Variants in PKHD1L1 observed in about 807,000 individuals in gnomAD.
The protein encoded by PKHD1L1 is PKHD1 like 1.
A neutral mutation model predicts 462.9 loss-of-function variants in PKHD1L1; 434 were observed. The observed-to-expected ratio is 0.94, with a 90% CI of 0.87 to 1.02. The LOEUF (loss-of-function observed/expected upper bound fraction) is 1.02, where lower values mean the gene tolerates loss of function less well. PKHD1L1 is among the 50% of genes least tolerant of loss of function. The pLI is 0.00. For missense variants in PKHD1L1, 5,202 were observed against 5,096.1 expected (o/e 1.02, Z -0.63); for synonymous variants, 1,781 against 1,750.0 (o/e 1.02, Z -0.44).
chr8:109,430,655 G>A (rs1174653115), intron 27 of PKHD1L1, among the ~76,000 whole-genome samples: 4 of 151,832 alleles, frequency 2.6e-5, no homozygotes, highest in Non-Finnish European at 5.9e-5. Flanking sequence ...GTAAGGGATG[G>A]CTTTTTTCAA....
chr8:109,465,183 A>G lies in PKHD1L1; in HGVS notation c.8351A>G (p.Asn2784Ser), dbSNP rs1447345067. 1 of 1,613,758 alleles carries G rather than the reference A, an allele frequency of 6.2e-7. No individual in the cohort carries two copies. Among genetic ancestry groups the G allele is most frequent in the Admixed American group, 1.7e-5 (1 of 59,968 alleles). The change falls in exon 49 of 78, where the codon AAC becomes AGC. Residue 2784 changes from asparagine to serine, a missense_variant. Physicochemically the swap from Asn to Ser is conservative, Grantham distance 46 (BLOSUM62 1). Around this residue, in one of 3 missense-constraint regions of PKHD1L1, gnomAD observed 4,497 missense variants for 4,336.8 expected, o/e 1.04. Transcript: ENST00000378402. ...FVDVQYSHTP[N>S]KAGFRWEHEM... ...GACGTCCAGTATTCTCACACACCGA[A>G]CAAGGCTGGCTTTCGCTGGGAACAT...
At position 109,429,970 on chromosome 8, in the gene PKHD1L1, A is replaced by G. The variant is rs758695811; in HGVS notation, c.3162A>G (p.Ser1054=). The change falls in exon 27 of 78, where the codon TCA becomes TCG. Residue 1054 remains serine (S), a synonymous_variant. Transcript: ENST00000378402. ...TCAATGGAATTCCAGCTAAATGTTCAGGTGACTGTGGATTTACATGGGATT... is the reference window on the plus strand; with the variant it reads ...TCAATGGAATTCCAGCTAAATGTTCGGGTGACTGTGGATTTACATGGGATT... ...VYVNGIPAKC[S]GDCGFTWDSN... is the part of the protein sequence containing the mutation. 6 of 1,611,864 alleles carry G rather than the reference A, an allele frequency of 3.7e-6. No individual in the cohort carries two copies. The African/African-American group carries it at 5.3e-5, about 14-fold the overall frequency.
At chr8:109,384,637 A>G (rs1452833969) in intron 5 of PKHD1L1, among the ~76,000 whole-genome samples, 1 of 152,110 alleles carries the variant, frequency 6.6e-6, no homozygotes, top group Admixed American at 6.6e-5. Flanking sequence ...TATACATTCA[A>G]CTGGTTTCCA....
chr8:109,491,975 T>A lies in PKHD1L1; in HGVS notation c.10217T>A (p.Leu3406His), dbSNP rs1485080799. ...YQNRKDLSST[L>H]WHAAIEINRG... ...AACAGAAAAGATTTAAGTTCAACTCTCTGGCATGCAGCAATTGAGGTAGTG... is the reference window on the plus strand; with the variant it reads ...AACAGAAAAGATTTAAGTTCAACTCACTGGCATGCAGCAATTGAGGTAGTG... Residue 3406 changes from leucine (L) to histidine (H), a missense_variant, in exon 62 of 78, where the codon CTC becomes CAC. By Grantham distance (99) the Leu-to-His change is moderately conservative. This residue lies in a region of PKHD1L1 where 4,497 missense variants were observed against 4,336.8 expected (regional missense o/e 1.04). Transcript: ENST00000378402. 1 of 1,561,794 alleles carries A rather than the reference T, an allele frequency of 6.4e-7. No homozygotes were observed. The highest frequency in any genetic ancestry group is 2.3e-5 in the East Asian group (1 of 43,414).
chr8:109,455,115 A>C, intron 45 of PKHD1L1, among the ~76,000 whole-genome samples: 1 of 152,186 alleles, frequency 6.6e-6, no homozygotes, highest in East Asian at 1.9e-4. Flanking sequence ...AAGCGGGTGA[A>C]TCACCTAAGG....
chr8:109,410,484 G>C (rs1157987724), intron 19 of PKHD1L1, among the ~76,000 whole-genome samples: 1 of 151,830 alleles, frequency 6.6e-6, no homozygotes, highest in Non-Finnish European at 1.5e-5. Flanking sequence ...GAAGAGAGTG[G>C]GGCGGTGCCA....
rs1821032305 is a variant in PKHD1L1, at chr8:109,531,179, A to G, written c.*1089A>G. On this transcript the variant is annotated 3_prime_UTR_variant, in exon 78 of 78. Coordinates refer to ENST00000378402, the MANE Select transcript of PKHD1L1 (RefSeq NM_177531.6). ...CCCATACCGTTGTCTCTTGTATAAC[A>G]TCTCCTAGTACATTCACCTCAGATC... 6.6e-6 allele frequency among the ~76,000 whole-genome samples: 1 copy of G among 152,210 alleles called. No individual in the cohort carries two copies. The highest frequency in any genetic ancestry group is 2.1e-4 in the South Asian group (1 of 4,836).
intron 60 of PKHD1L1, 56 bp from the exon 61 acceptor site, chr8:109,490,916 A>G: frequency 2.1e-6 from 3 of 1,408,896 alleles, no homozygotes; most frequent in Non-Finnish European, 2.8e-6. Flanking sequence ...TTCAATTTTT[A>G]AAAATATATT....
In PKHD1L1 at chr8:109,486,813, C is replaced by T. The variant is rs1818552385; in HGVS notation, c.9872C>T (p.Thr3291Ile). 6.2e-7 allele frequency: 1 copy of T among 1,611,260 alleles called. No individual in the cohort carries two copies. The highest frequency in any genetic ancestry group is 1.7e-5 in the Admixed American group (1 of 59,800). Residue 3291 changes from threonine (T) to isoleucine (I), a missense_variant, in exon 59 of 78, where the codon ACA becomes ATA. Around this residue, in one of 3 missense-constraint regions of PKHD1L1, gnomAD observed 4,497 missense variants for 4,336.8 expected, o/e 1.04. Coordinates refer to ENST00000378402, the MANE Select transcript of PKHD1L1 (RefSeq NM_177531.6). ...GGCTCATTCACTGAAAATATGATGA[C>T]ATTTAAAGGTTGGTATCAATTCAGT... is the stretch of plus-strand genomic sequence containing the variant. ...LVGSFTENMM[T>I]FKGNARISNV...
At chr8:109,524,501 C>T (rs1306562614) in intron 76 of PKHD1L1, among the ~76,000 whole-genome samples, 10 of 152,088 alleles carry the variant, frequency 6.6e-5, no homozygotes, top group Non-Finnish European at 1.5e-4. Flanking sequence ...GAAGTTTGCT[C>T]ACCTCCTCAT....
intron 31 of PKHD1L1, 31 bp downstream of exon 31, chr8:109,438,487 T>G (rs1438311774): frequency 6.6e-7 from 1 of 1,508,824 alleles, no homozygotes; most frequent in African/African-American, 1.4e-5. Flanking sequence ...ATTGGTCATT[T>G]GTCCTATGTA....
At chr8:109,371,033 A>G (rs1407306609) in intron 2 of PKHD1L1, among the ~76,000 whole-genome samples, 1 of 152,176 alleles carries the variant, frequency 6.6e-6, no homozygotes, top group African/African-American at 2.4e-5. Flanking sequence ...CAGTAATGGG[A>G]TGGCTGGATC....
At position 109,419,172 on chromosome 8, in the gene PKHD1L1, G is replaced by A. The variant is rs866320125; in HGVS notation, c.2436G>A (p.Arg812=). The A allele has an allele frequency of 6.2e-7, 1 of 1,613,502 alleles. No individual in the cohort carries two copies. Among genetic ancestry groups the A allele is most frequent in the Non-Finnish European group, 8.5e-7 (1 of 1,179,574 alleles). ...CTGGGACAAATGTTTCTCTTCAGAGGATTAGCTTACATAAAGCATCAGAAT... is the reference window on the plus strand; with the variant it reads ...CTGGGACAAATGTTTCTCTTCAGAGAATTAGCTTACATAAAGCATCAGAAT... ...KYTGTNVSLQ[R]ISLHKASESQ... Residue 812 remains arginine (R), a synonymous_variant, in exon 22 of 78, where the codon AGG becomes AGA. Transcript: ENST00000378402.
At chr8:109,479,948 A>G (rs1818187917) in intron 54 of PKHD1L1, 43 bp from the exon 55 acceptor site, 1 of 1,492,838 alleles carries the variant, frequency 6.7e-7, no homozygotes, top group Non-Finnish European at 8.9e-7. Context: ...TATAAGTTGT[A>G]GTTTATGGAT....
intron 45 of PKHD1L1, among the ~76,000 whole-genome samples, 152 bp downstream of exon 45, chr8:109,455,004 C>T (rs1396746671): frequency 6.6e-6 from 1 of 152,148 alleles, no homozygotes. Context: ...TTACCCCTTC[C>T]TTCTTTCCCA....
intron 2 of PKHD1L1, among the ~76,000 whole-genome samples, chr8:109,374,617 A>T (rs996020827): frequency 6.6e-6 from 1 of 152,164 alleles, no homozygotes; most frequent in Non-Finnish European, 1.5e-5. Context: ...ACAATTTGGC[A>T]TGTTTTTACA....
rs1818612143 is a variant in PKHD1L1, at chr8:109,487,856, AAGAGAGAAAGAC to A, written c.9880+1047_9880+1058del. On this transcript the variant is annotated intron_variant, in intron 59 of 77. Transcript: ENST00000378402. ...TAGTGAGACCCAGCCAAAAGAAAGA[AAGAGAGAAAGAC>A]AGAGAGAAAGAGAGAGAGAGAGAGG... 4.4e-5 allele frequency among the ~76,000 whole-genome samples: 6 copies of A among 135,162 alleles called. No individual in the cohort carries two copies. The South Asian group carries it at 1.7e-3, about 39-fold the overall frequency. 88.7% of individuals were successfully genotyped at this position (135,162 alleles called of 152,430 possible). A position where few individuals can be genotyped will look rare whatever the true frequency, so the allele number is the denominator to read the frequency against.
chr8:109,463,765 G>C (rs754736023), intron 48 of PKHD1L1, among the ~76,000 whole-genome samples: 5 of 152,142 alleles, frequency 3.3e-5, no homozygotes, highest in African/African-American at 1.2e-4. Context: ...GTAAAATAAA[G>C]TCAATGGTAA....
rs543731755 is a variant in PKHD1L1 at position 109,477,129 on chromosome 8, C to T, written c.8918-96C>T. 5.6e-5 allele frequency: 64 copies of T among 1,142,398 alleles called. No individual in the cohort carries two copies. In the African/African-American group the frequency reaches 9.0e-4, roughly 16 times the overall value. The allele number at this position is 1,142,398 out of a possible 1,614,324, so 70.8% of individuals were successfully genotyped here. A position where few individuals can be genotyped will look rare whatever the true frequency, so the allele number is the denominator to read the frequency against. On this transcript the variant is annotated intron_variant, in intron 52 of 77. Coordinates refer to ENST00000378402, the MANE Select transcript of PKHD1L1 (RefSeq NM_177531.6). ...TACATGTGAATTATAATTCAAGTTACTACCTAAAGAACATTTTCCAAAATT... is the reference window on the plus strand; with the variant it reads ...TACATGTGAATTATAATTCAAGTTATTACCTAAAGAACATTTTCCAAAATT...
Sources: gnomAD v4.1 joint callset for allele counts (sites outside exome capture counted in the v4.1 genomes callset) on GRCh38, gnomAD v4.1.1 for gene constraint, gnomAD v4.1.1 regional missense constraint, MANE v1.5 for transcripts, NCBI Gene and HGNC (gene_info 2026-07-23, HGNC 2026-07-21) for gene names.